EFR3B: variants seen among roughly 807,000 people sequenced by gnomAD.
The protein encoded by EFR3B is protein EFR3 homolog B.
In EFR3B, 64 loss-of-function variants were observed where a neutral mutation model predicts 104.7. The ratio of observed to expected loss-of-function variants is 0.61; its 90% CI spans 0.50 to 0.75. The LOEUF (loss-of-function observed/expected upper bound fraction) is 0.75. Ranked by LOEUF, EFR3B falls within the 30% of genes least tolerant of loss-of-function variation. The probability of loss-of-function intolerance (pLI) is 0.00; values close to 1 mark genes in which losing one functional copy is unlikely to be tolerated. For synonymous variants in EFR3B, 385 were observed against 417.9 expected (o/e 0.92, Z 0.96); for missense variants, 750 against 1,078.5 (o/e 0.70, Z 4.27).
chr2:25,116,691 A>C (rs940813719), intron 4 of EFR3B, among the ~76,000 whole-genome samples: 26 of 151,766 alleles, frequency 1.7e-4, no homozygotes, highest in African/African-American at 6.3e-4. Flanking sequence ...ACAGAAGAAC[A>C]CACATCCAGG....
chr2:25,152,047 C>G, intron 21 of EFR3B, 27 bp downstream of exon 21: 1 of 1,548,106 alleles, frequency 6.5e-7, no homozygotes, highest in Non-Finnish European at 8.7e-7. Flanking sequence ...ATGGGCGAGT[C>G]CCTGGGAGCC....
intron 1 of EFR3B, among the ~76,000 whole-genome samples, chr2:25,063,027 G>A (rs1668240319): frequency 6.6e-6 from 1 of 151,978 alleles, no homozygotes; most frequent in Non-Finnish European, 1.5e-5. Context: ...ATGTTCAAGC[G>A]ATTCTCCTGC....
At chr2:25,060,502 G>A (rs1279873383) in intron 1 of EFR3B, among the ~76,000 whole-genome samples, 1 of 152,042 alleles carries the variant, frequency 6.6e-6, no homozygotes, top group Non-Finnish European at 1.5e-5. Context: ...TTAAGAGAAT[G>A]TCTGCTACTG....
At chr2:25,057,752 T>C (rs543801861) in intron 1 of EFR3B, among the ~76,000 whole-genome samples, 1 of 140,046 alleles carries the variant, frequency 7.1e-6, no homozygotes, top group Non-Finnish European at 1.5e-5. Context: ...ATTATTGCAC[T>C]CCATCCTGAG....
intron 1 of EFR3B, chr2:25,080,283 CTTTTTT>C (rs563438610): frequency 9.0e-4 from 140 of 154,728 alleles, no homozygotes; most frequent in African/African-American, 6.2e-3. Context: ...CTCCCCAAAG[CTTTTTT>C]TTTTTTTTTT....
chr2:25,111,599 A>G (rs896808127), intron 4 of EFR3B, among the ~76,000 whole-genome samples: 2 of 152,236 alleles, frequency 1.3e-5, no homozygotes, highest in Non-Finnish European at 2.9e-5. Context: ...GGGACTTTGC[A>G]GATGTGATCA....
intron 1 of EFR3B, among the ~76,000 whole-genome samples, chr2:25,045,163 C>G (rs549342980): frequency 2.6e-5 from 4 of 152,164 alleles, no homozygotes; most frequent in Non-Finnish European, 5.9e-5. Flanking sequence ...TCTGCCAACT[C>G]GGGCACAGCC....
chr2:25,101,903 A>C (rs907948762), intron 3 of EFR3B, among the ~76,000 whole-genome samples: 1 of 152,258 alleles, frequency 6.6e-6, no homozygotes, highest in Non-Finnish European at 1.5e-5. Flanking sequence ...AGTTCAAAAC[A>C]AAACAAAACA....
At chr2:25,152,599 G>A (rs1351604357) in intron 21 of EFR3B, among the ~76,000 whole-genome samples, 1 of 152,140 alleles carries the variant, frequency 6.6e-6, no homozygotes, top group East Asian at 1.9e-4. Context: ...CAGAGAGAGA[G>A]GCAGCTGGAC....
chr2:25,103,956 C>T (rs1669496539), intron 4 of EFR3B, among the ~76,000 whole-genome samples, 169 bp downstream of exon 4: 2 of 151,726 alleles, frequency 1.3e-5, no homozygotes, highest in African/African-American at 4.8e-5. Flanking sequence ...AACAAAGGGC[C>T]CTTTCATTTT....
chr2:25,141,324 C>A lies in EFR3B; in HGVS notation c.1855-42C>A. On this transcript the variant is annotated intron_variant, in intron 16 of 22. Transcript: ENST00000403714. ...CTTTCGTTGCCTGTGAGCTCCCTCT[C>A]CCTGCTGAACCAGCTCTTATCTGAT... 3.2e-6 allele frequency: 5 copies of A among 1,544,666 alleles called. 1 individual carries two copies. The highest frequency in any genetic ancestry group is 4.4e-6 in the Non-Finnish European group (5 of 1,143,532).
intron 13 of EFR3B, among the ~76,000 whole-genome samples, chr2:25,135,881 G>A (rs1338431824): frequency 6.6e-6 from 1 of 152,178 alleles, no homozygotes; most frequent in African/African-American, 2.4e-5. Flanking sequence ...GAGAGCAGGA[G>A]GGTGAACTGA....
chr2:25,146,281 A>G (rs1316557242), intron 19 of EFR3B: 1 of 151,892 alleles, frequency 6.6e-6, no homozygotes, highest in Non-Finnish European at 1.5e-5. Context: ...CCCAGATGCA[A>G]TCAGAGGTAG....
At position 25,136,458 on chromosome 2, in the gene EFR3B, G is replaced by T; in HGVS notation, c.1485-65G>T. 1 of 1,324,986 alleles carries T rather than the reference G, an allele frequency of 7.5e-7. No individual in the cohort carries two copies. Among genetic ancestry groups the T allele is most frequent in the South Asian group, 1.3e-5 (1 of 78,886 alleles). The allele number at this position is 1,324,986 out of a possible 1,614,324, so 82.1% of individuals were successfully genotyped here. Reference sequence around the variant, plus strand: ...AACAATGTTGGGGATAAAGCTCAGTGACCCCGTGTGAGCTCAGGCTGGCCT... The same window carrying T: ...AACAATGTTGGGGATAAAGCTCAGTTACCCCGTGTGAGCTCAGGCTGGCCT... On this transcript the variant is annotated intron_variant, in intron 13 of 22. Transcript: ENST00000403714. This position sits in a 1 kb window ranked among gnomAD's most constrained non-coding sequence, Gnocchi z 4.0.
Position 25,157,829 on chromosome 2 carries a change from C to T in EFR3B, c.*3489C>T, listed in dbSNP as rs1429452064. ...TTTGAAAAGTAGAAATCAGTGGTTT[C>T]TTGACTCCTAAACAGCCTCCTCACT... On this transcript the variant is annotated 3_prime_UTR_variant, in exon 23 of 23. Transcript: ENST00000403714. 6.6e-6 allele frequency: 1 copy of T among 152,194 alleles called. No homozygotes were observed. The highest frequency in any genetic ancestry group is 1.5e-5 in the Non-Finnish European group (1 of 68,072). 9.4% of individuals were successfully genotyped at this position (152,194 alleles called of 1,614,324 possible). A position where few individuals can be genotyped will look rare whatever the true frequency, so the allele number is the denominator to read the frequency against.
chr2:25,081,274 C>G (rs1284897677), intron 1 of EFR3B: 4 of 1,056,092 alleles, frequency 3.8e-6, no homozygotes, highest in African/African-American at 1.6e-5. Context: ...TCAAATGTTC[C>G]TTTTCCTCGA....
At chr2:25,152,197 C>G (rs986394265) in intron 21 of EFR3B, among the ~76,000 whole-genome samples, 177 bp downstream of exon 21, 2 of 151,330 alleles carry the variant, frequency 1.3e-5, no homozygotes, top group Non-Finnish European at 2.9e-5. Context: ...TGTTGCCCTG[C>G]CAGGCTTTCC....
intron 6 of EFR3B, among the ~76,000 whole-genome samples, chr2:25,129,316 C>CGACGGGGGCGGG (rs1670259656): frequency 4.0e-5 from 2 of 49,730 alleles, no homozygotes; most frequent in Non-Finnish European, 8.0e-5. Context: ...AGACTCGGGT[C>CGACGGGGGCGGG]GACGGGGGCG....
At chr2:25,055,924 C>T (rs1197298862) in intron 1 of EFR3B, among the ~76,000 whole-genome samples, 1 of 152,204 alleles carries the variant, frequency 6.6e-6, no homozygotes, top group Non-Finnish European at 1.5e-5. Flanking sequence ...CTGTGAACCT[C>T]TTGAGGACAC....
Sources: allele counts gnomAD v4.1 joint callset (sites outside exome capture counted in the v4.1 genomes callset), GRCh38; gene constraint gnomAD v4.1.1; non-coding constraint Gnocchi (gnomAD v3.1); transcripts MANE v1.5; gene names NCBI Gene and HGNC (gene_info 2026-07-23, HGNC 2026-07-21).